The following UNC13C variants were observed in gnomAD, a reference collection of about 807,000 sequenced individuals.
UNC13C encodes unc-13 homolog C.
Under a neutral mutation model 245.4 loss-of-function variants are expected in UNC13C, and 174 were observed. The ratio of observed to expected loss-of-function variants is 0.71; its 90% CI spans 0.63 to 0.80. The LOEUF is 0.80. UNC13C is among the 30% of genes least tolerant of loss of function. The pLI is 0.00. For missense variants in UNC13C, 2,829 were observed against 2,602.9 expected (o/e 1.09, Z -1.89); for synonymous variants, 992 against 895.1 (o/e 1.11, Z -1.93).
intron 18 of UNC13C, among the ~76,000 whole-genome samples, chr15:54,398,680 A>T (rs2140925838): frequency 6.6e-6 from 1 of 151,406 alleles, no homozygotes; most frequent in East Asian, 1.9e-4. Context: ...ACCTAAATTT[A>T]GGTTTTTGTA....
chr15:54,185,596 T>C (rs1254372438), intron 4 of UNC13C, among the ~76,000 whole-genome samples: 2 of 149,456 alleles, frequency 1.3e-5, no homozygotes, highest in South Asian at 2.1e-4. Flanking sequence ...TGTGGCATTA[T>C]TTCTGAGGGC....
chr15:54,425,273 G>A (rs1349894659), intron 19 of UNC13C, among the ~76,000 whole-genome samples: 1 of 151,698 alleles, frequency 6.6e-6, no homozygotes, highest in African/African-American at 2.4e-5. Context: ...TCACTGCTCT[G>A]GCTTATTGGA....
chr15:53,970,572 T>G, the UNC13C span, among the ~76,000 whole-genome samples: 1 of 152,068 alleles, frequency 6.6e-6, no homozygotes, highest in African/African-American at 2.4e-5. Flanking sequence ...CACAAACTAA[T>G]GCAGAAACAG....
chr15:54,357,918 T>C (rs2039134210), intron 17 of UNC13C, among the ~76,000 whole-genome samples: 1 of 152,210 alleles, frequency 6.6e-6, no homozygotes, highest in Admixed American at 6.5e-5. Context: ...TACATTAATC[T>C]TTATTATTAT....
At chr15:54,543,814 AC>A (rs1325803857) in intron 26 of UNC13C, among the ~76,000 whole-genome samples, 1 of 152,134 alleles carries the variant, frequency 6.6e-6, no homozygotes, top group Non-Finnish European at 1.5e-5. Context: ...TAATGTACCA[AC>A]CAAAAAAAGC....
chr15:54,399,533 T>C (rs563707598), intron 18 of UNC13C, among the ~76,000 whole-genome samples: 1 of 151,898 alleles, frequency 6.6e-6, no homozygotes, highest in Non-Finnish European at 1.5e-5. Flanking sequence ...GCATGCATTG[T>C]ACTATAACAT....
chr15:54,444,535 C>A (rs72736510), intron 19 of UNC13C, among the ~76,000 whole-genome samples: 194 of 151,756 alleles, frequency 1.3e-3, no homozygotes, highest in Middle Eastern at 6.8e-3. Context: ...TCAAGGTTAT[C>A]ATTGATATAT....
chr15:54,449,133 C>T (rs943894495), intron 19 of UNC13C, among the ~76,000 whole-genome samples: 1 of 152,204 alleles, frequency 6.6e-6, no homozygotes, highest in African/African-American at 2.4e-5. Flanking sequence ...GGAGTTTCTG[C>T]CGAGAGATCC....
intron 4 of UNC13C, among the ~76,000 whole-genome samples, chr15:54,227,266 G>A (rs989622682): frequency 2.0e-5 from 3 of 152,072 alleles, no homozygotes; most frequent in Admixed American, 6.5e-5. Context: ...GGCCACGGGC[G>A]GGCCTGGAAA....
At chr15:54,552,489 ATTATATTATATATAATTATAT>A (rs1199569207) in intron 28 of UNC13C, among the ~76,000 whole-genome samples, 14 of 51,702 alleles carry the variant, frequency 2.7e-4, no homozygotes, top group African/African-American at 1.5e-3. Context: ...ATAATTATAT[ATTATATTATATATAATTATAT>A]ATTATATATT....
At chr15:54,543,881 T>C (rs1035564723) in intron 26 of UNC13C, among the ~76,000 whole-genome samples, 6 of 152,188 alleles carry the variant, frequency 3.9e-5, no homozygotes, top group East Asian at 1.9e-4. Context: ...GAGGAGCTGA[T>C]ACTATTCCTT....
intron 30 of UNC13C, among the ~76,000 whole-genome samples, chr15:54,580,534 C>A (rs936132917): frequency 2.0e-5 from 3 of 152,184 alleles, no homozygotes; most frequent in African/African-American, 7.2e-5. Context: ...GCTGCAAGAC[C>A]TGGGATAAGT....
chr15:53,939,043 A>C, the UNC13C span, among the ~76,000 whole-genome samples: 1 of 152,300 alleles, frequency 6.6e-6, no homozygotes, highest in South Asian at 2.1e-4. Context: ...TCTTAAAAAA[A>C]TCAGTGAATC....
At chr15:54,289,520 C>G (rs998466080) in intron 10 of UNC13C, among the ~76,000 whole-genome samples, 23 of 152,076 alleles carry the variant, frequency 1.5e-4, no homozygotes, top group Admixed American at 7.9e-4. Context: ...TTACTTGCCA[C>G]TCCCTTCATG....
At chr15:54,057,385 G>A (rs917096221) in intron 2 of UNC13C, among the ~76,000 whole-genome samples, 1 of 151,258 alleles carries the variant, frequency 6.6e-6, no homozygotes, top group Non-Finnish European at 1.5e-5. Context: ...TAATGGTAAA[G>A]GGATCAATTC....
At chr15:54,224,898 T>C (rs1490549241) in intron 4 of UNC13C, among the ~76,000 whole-genome samples, 3 of 152,178 alleles carry the variant, frequency 2.0e-5, no homozygotes, top group Non-Finnish European at 4.4e-5. Flanking sequence ...TTTAGTAATT[T>C]ATTAATTTCT....
intron 1 of UNC13C, among the ~76,000 whole-genome samples, chr15:53,987,212 CTTGG>C: frequency 6.6e-6 from 1 of 151,924 alleles, no homozygotes; most frequent in Non-Finnish European, 1.5e-5. Context: ...ATAGGCATTT[CTTGG>C]TTGGTTAAAT....
chr15:54,487,402 A>G (rs770663278), intron 19 of UNC13C, among the ~76,000 whole-genome samples: 26 of 152,250 alleles, frequency 1.7e-4, no homozygotes, highest in Middle Eastern at 3.4e-3. Context: ...AGAAACTTCT[A>G]TATCTTTTTT....
At chr15:54,162,925 A>G (rs1480789532) in intron 4 of UNC13C, among the ~76,000 whole-genome samples, 2 of 152,188 alleles carry the variant, frequency 1.3e-5, no homozygotes. Flanking sequence ...TTGTTTTTTT[A>G]AACTATGTTC....
Sources: gnomAD v4.1 joint callset for allele counts (sites outside exome capture counted in the v4.1 genomes callset) on GRCh38, gnomAD v4.1.1 for gene constraint, MANE v1.5 for transcripts, NCBI Gene and HGNC (gene_info 2026-07-23, HGNC 2026-07-21) for gene names.